CNTN5: variants seen among roughly 807,000 people sequenced by gnomAD.
The protein encoded by CNTN5 is contactin-5.
In CNTN5, 77 loss-of-function variants were observed where a neutral mutation model predicts 129.1. The observed-to-expected ratio is 0.60, with a 90% confidence interval of 0.50 to 0.72. The LOEUF (loss-of-function observed/expected upper bound fraction) is 0.72. Ranked by LOEUF, CNTN5 falls within the 30% of genes least tolerant of loss-of-function variation. The pLI is 0.00. For missense variants in CNTN5, 1,478 were observed against 1,328.8 expected (o/e 1.11, Z -1.75); for synonymous variants, 509 against 465.6 (o/e 1.09, Z -1.20).
chr11:100,132,064 G>A (rs1170822297), intron 13 of CNTN5, among the ~76,000 whole-genome samples: 3 of 152,040 alleles, frequency 2.0e-5, no homozygotes, highest in African/African-American at 4.8e-5. Context: ...AACACTGAAC[G>A]TTTGAGGGCT....
At chr11:100,046,515 T>C (rs924637515) in intron 9 of CNTN5, among the ~76,000 whole-genome samples, 2 of 152,190 alleles carry the variant, frequency 1.3e-5, no homozygotes, top group East Asian at 1.9e-4. Flanking sequence ...TTATGACATA[T>C]GTAGTTATTT....
At chr11:100,288,209 A>T (rs1369449766) in intron 18 of CNTN5, among the ~76,000 whole-genome samples, 13 of 152,288 alleles carry the variant, frequency 8.5e-5, no homozygotes. Flanking sequence ...CGAGACAGAA[A>T]GTCAACAAGG....
At chr11:99,573,493 C>A (rs1949243839) in intron 3 of CNTN5, among the ~76,000 whole-genome samples, 3 of 151,886 alleles carry the variant, frequency 2.0e-5, no homozygotes. Context: ...TGGCGTGAAC[C>A]AGGAAGGCGG....
chr11:99,732,418 A>AACTCAGTATAATAACTGAGT (rs150602804), intron 3 of CNTN5, among the ~76,000 whole-genome samples: 11,443 of 151,640 alleles, frequency 0.075, 464 homozygotes, highest in Non-Finnish European at 0.092. Flanking sequence ...CTTGTATAAT[A>AACTCAGTATAATAACTGAGT]ACTCAGTATA....
chr11:99,872,911 A>G (rs897093605), intron 6 of CNTN5, among the ~76,000 whole-genome samples: 3 of 152,172 alleles, frequency 2.0e-5, no homozygotes, highest in Admixed American at 6.6e-5. Context: ...GAATAACTCT[A>G]TATAGCTAAC....
intron 8 of CNTN5, among the ~76,000 whole-genome samples, chr11:99,966,686 A>G (rs1441156032): frequency 6.6e-6 from 1 of 152,218 alleles, no homozygotes; most frequent in African/African-American, 2.4e-5. Context: ...ACTAGCACAC[A>G]AGAAGTATCT....
At chr11:99,436,505 G>C (rs758642650) in intron 2 of CNTN5, among the ~76,000 whole-genome samples, 4 of 152,080 alleles carry the variant, frequency 2.6e-5, no homozygotes, top group Non-Finnish European at 5.9e-5. Flanking sequence ...TTCTGTTTAA[G>C]GTACAGTTTC....
chr11:99,764,255 T>G (rs1160284909), intron 3 of CNTN5, among the ~76,000 whole-genome samples: 1 of 152,006 alleles, frequency 6.6e-6, no homozygotes, highest in Non-Finnish European at 1.5e-5. Context: ...GGACAAGGCT[T>G]GGAACACAAA....
At chr11:99,672,240 C>G (rs2135949226) in intron 3 of CNTN5, among the ~76,000 whole-genome samples, 1 of 152,264 alleles carries the variant, frequency 6.6e-6, no homozygotes, top group African/African-American at 2.4e-5. Flanking sequence ...TCCTTTTGCT[C>G]TCTTAATGAG....
intron 1 of CNTN5, among the ~76,000 whole-genome samples, chr11:99,069,003 G>T (rs1173335146): frequency 6.6e-6 from 1 of 151,994 alleles, no homozygotes; most frequent in Non-Finnish European, 1.5e-5. Flanking sequence ...TCCCCACCTT[G>T]TCTGGCATCA....
At chr11:100,018,210 G>A (rs568504829) in intron 9 of CNTN5, among the ~76,000 whole-genome samples, 4 of 151,760 alleles carry the variant, frequency 2.6e-5, no homozygotes, top group Non-Finnish European at 2.9e-5. Flanking sequence ...TTTAACATAC[G>A]TATTTTTACC....
At chr11:100,302,977 T>TATA (rs1265348704) in intron 20 of CNTN5, among the ~76,000 whole-genome samples, 7 of 151,634 alleles carry the variant, frequency 4.6e-5, no homozygotes, top group African/African-American at 1.7e-4. Flanking sequence ...TGAGGTTTAC[T>TATA]ATTGCCCTAG....
chr11:99,443,729 A>C (rs1231789253), intron 2 of CNTN5, among the ~76,000 whole-genome samples: 2 of 152,152 alleles, frequency 1.3e-5, no homozygotes, highest in African/African-American at 2.4e-5. Flanking sequence ...GTTTTCTAGG[A>C]AGTGGGTCAT....
At chr11:99,964,130 T>C (rs1340871988) in intron 8 of CNTN5, among the ~76,000 whole-genome samples, 2 of 152,298 alleles carry the variant, frequency 1.3e-5, no homozygotes, top group South Asian at 4.2e-4. Flanking sequence ...AATTCCTCTT[T>C]TCCTAATTGA....
intron 9 of CNTN5, among the ~76,000 whole-genome samples, chr11:100,019,786 C>T (rs1941030042): frequency 6.6e-6 from 1 of 151,890 alleles, no homozygotes; most frequent in Admixed American, 6.6e-5. Flanking sequence ...GAAGGCTATA[C>T]CAATTTACAT....
intron 1 of CNTN5, among the ~76,000 whole-genome samples, chr11:99,222,472 T>C (rs1860446772): frequency 6.6e-6 from 1 of 152,080 alleles, no homozygotes. Context: ...GGTTTATATA[T>C]GTATGGTCCC....
At chr11:99,376,775 A>C (rs138786743) in intron 2 of CNTN5, among the ~76,000 whole-genome samples, 7 of 152,218 alleles carry the variant, frequency 4.6e-5, no homozygotes, top group Non-Finnish European at 7.3e-5. Context: ...TGTTATAAAA[A>C]TAGCACCTGG....
chr11:99,644,904 T>C (rs1951896007), intron 3 of CNTN5, among the ~76,000 whole-genome samples: 1 of 152,040 alleles, frequency 6.6e-6, no homozygotes, highest in African/African-American at 2.4e-5. Flanking sequence ...TTGCACTTCG[T>C]ATTTTAAATA....
At position 100,191,223 on chromosome 11, in the gene CNTN5, G is replaced by C; in HGVS notation, c.1678G>C (p.Ala560Pro). 6.2e-7 allele frequency: 1 copy of C among 1,612,636 alleles called. No individual in the cohort carries two copies. Among genetic ancestry groups the C allele is most frequent in the South Asian group, 1.1e-5 (1 of 91,002 alleles). ...CCGAGGGGAAAACGTCTTTGGTTCTGCTGAAATTATAGCTTCGCTATCTGT... is the reference window on the plus strand; with the variant it reads ...CCGAGGGGAAAACGTCTTTGGTTCTCCTGAAATTATAGCTTCGCTATCTGT... ...VCRGENVFGS[A>P]EIIASLSVKE... is the part of the protein sequence containing the mutation. Residue 560 changes from alanine to proline, a missense_variant, in exon 14 of 25, where the codon GCT becomes CCT. Transcript: ENST00000524871.
Sources: allele counts gnomAD v4.1 joint callset (sites outside exome capture counted in the v4.1 genomes callset), GRCh38; gene constraint gnomAD v4.1.1; transcripts MANE v1.5; gene names NCBI Gene and HGNC (gene_info 2026-07-23, HGNC 2026-07-21).